The following UBR3 variants were observed in gnomAD, a reference collection of about 807,000 sequenced individuals.
UBR3 encodes the protein ubiquitin protein ligase E3 component n-recognin 3.
A neutral mutation model predicts 243.2 loss-of-function variants in UBR3; 85 were observed. The observed-to-expected ratio is 0.35, with a 90% CI of 0.29 to 0.42. The LOEUF (loss-of-function observed/expected upper bound fraction) is 0.42. Among genes scored for constraint, UBR3 ranks in the 10% least tolerant of loss-of-function variants. The probability of loss-of-function intolerance (pLI) is 1.00; values close to 1 mark genes in which losing one functional copy is unlikely to be tolerated. For synonymous variants in UBR3, 748 were observed against 799.8 expected (o/e 0.94, Z 1.09); for missense variants, 1,686 against 2,300.8 (o/e 0.73, Z 5.47).
intron 18 of UBR3, 91 bp from the exon 19 acceptor site, chr2:169,932,821 A>T: frequency 9.1e-7 from 1 of 1,095,272 alleles, no homozygotes; most frequent in Non-Finnish European, 1.3e-6. Context: ...CTGTGTTTTA[A>T]ATGTAAAATA....
chr2:170,024,341 G>A (rs1424549210), intron 30 of UBR3, among the ~76,000 whole-genome samples: 1 of 113,914 alleles, frequency 8.8e-6, no homozygotes, highest in African/African-American at 3.9e-5. Flanking sequence ...GCGACAGTGC[G>A]AGACTCCATC....
intron 1 of UBR3, among the ~76,000 whole-genome samples, chr2:169,840,177 A>T (rs1397867401): frequency 1.3e-5 from 2 of 152,156 alleles, no homozygotes; most frequent in Non-Finnish European, 2.9e-5. Context: ...GTGCTTATTA[A>T]GGCCCACTGT....
At chr2:169,913,388 C>A (rs1395962864) in intron 10 of UBR3, among the ~76,000 whole-genome samples, 3 of 146,212 alleles carry the variant, frequency 2.1e-5, no homozygotes, top group East Asian at 4.0e-4. Flanking sequence ...GGTAAGCAAG[C>A]CTATCATTAT....
At chr2:169,927,862 T>C (rs1472739438) in intron 17 of UBR3, among the ~76,000 whole-genome samples, 1 of 152,248 alleles carries the variant, frequency 6.6e-6, no homozygotes, top group Non-Finnish European at 1.5e-5. Flanking sequence ...TTTTTGAATT[T>C]ATAGATTTTT....
chr2:170,024,374 A>AAG (rs1553536702), intron 30 of UBR3, among the ~76,000 whole-genome samples: 2 of 147,518 alleles, frequency 1.4e-5, no homozygotes, highest in African/African-American at 2.5e-5. Flanking sequence ...AAAAAAAAAA[A>AAG]AGAGAAAAGA....
At chr2:169,933,272 G>T (rs1321166459) in intron 19 of UBR3, among the ~76,000 whole-genome samples, 1 of 152,144 alleles carries the variant, frequency 6.6e-6, no homozygotes, top group East Asian at 1.9e-4. Flanking sequence ...TCCATCAGTG[G>T]AATTAAAGGC....
rs1559237480 is a variant in UBR3, at chr2:170,073,419, G to T, written c.5020-9G>T. 1 of 1,613,180 alleles carries T rather than the reference G, an allele frequency of 6.2e-7. No individual in the cohort carries two copies. The highest frequency in any genetic ancestry group is 2.2e-5 in the East Asian group (1 of 44,832). On this transcript the variant is annotated splice_polypyrimidine_tract_variant and intron_variant, in intron 35 of 38. Transcript: ENST00000272793. ...ATATTTTCAGAATTTCCTATTTCATGTCTAAAAGGAAGAAGAAGAATTTTC... is the reference window on the plus strand; with the variant it reads ...ATATTTTCAGAATTTCCTATTTCATTTCTAAAAGGAAGAAGAAGAATTTTC...
chr2:170,032,611 T>C (rs997691825), intron 31 of UBR3, among the ~76,000 whole-genome samples: 2 of 97,594 alleles, frequency 2.0e-5, no homozygotes, highest in Admixed American at 1.1e-4. Flanking sequence ...TTTTTTTTTT[T>C]AGTTCAGGCC....
At chr2:170,009,668 A>G (rs889052229) in intron 29 of UBR3, among the ~76,000 whole-genome samples, 4 of 152,180 alleles carry the variant, frequency 2.6e-5, no homozygotes, top group African/African-American at 9.6e-5. Context: ...GACTCTGTAC[A>G]TCCTTGAATA....
intron 1 of UBR3, among the ~76,000 whole-genome samples, chr2:169,845,443 T>C (rs1306483883): frequency 6.9e-6 from 1 of 145,930 alleles, no homozygotes; most frequent in Admixed American, 7.0e-5. Context: ...AAAAGAAATT[T>C]TGAGTTTTTT....
intron 26 of UBR3, among the ~76,000 whole-genome samples, chr2:169,997,543 G>A (rs2089540590): frequency 6.6e-6 from 1 of 152,030 alleles, no homozygotes; most frequent in Admixed American, 6.5e-5. Flanking sequence ...ATGGAGGCAT[G>A]TCACAACTCT....
intron 35 of UBR3, among the ~76,000 whole-genome samples, chr2:170,070,488 A>G (rs2091674299): frequency 6.6e-6 from 1 of 152,138 alleles, no homozygotes; most frequent in South Asian, 2.1e-4. Context: ...CTAGCAAGGC[A>G]GGTAGGCAAG....
chr2:169,980,093 A>G (rs2088649142), intron 24 of UBR3, among the ~76,000 whole-genome samples: 1 of 152,222 alleles, frequency 6.6e-6, no homozygotes. Flanking sequence ...ACCAGTGAAT[A>G]AAAGTTTCCC....
Position 170,053,787 on chromosome 2 carries a change from C to T in UBR3, c.4661-1673C>T, listed in dbSNP as rs114214908. Reference sequence around the variant, plus strand: ...AATATCTGCAAGTTTTTGACTCCAGCAACTGATTAAATGGTAGTATCCATT... The same window carrying T: ...AATATCTGCAAGTTTTTGACTCCAGTAACTGATTAAATGGTAGTATCCATT... On this transcript the variant is annotated intron_variant, in intron 32 of 38. Transcript: ENST00000272793. 2.4e-3 allele frequency among the ~76,000 whole-genome samples: 362 copies of T among 152,262 alleles called. 2 individuals are homozygous for T. The highest frequency in any genetic ancestry group is 8.5e-3 in the African/African-American group (352 of 41,546).
At chr2:169,908,131 A>G (rs1052655673) in intron 10 of UBR3, among the ~76,000 whole-genome samples, 1 of 152,122 alleles carries the variant, frequency 6.6e-6, no homozygotes, top group Non-Finnish European at 1.5e-5. Flanking sequence ...CTTTTGTTCA[A>G]GCTGGTCTCT....
chr2:169,998,603 A>G (rs978277828), intron 26 of UBR3, among the ~76,000 whole-genome samples: 1 of 152,232 alleles, frequency 6.6e-6, no homozygotes, highest in Non-Finnish European at 1.5e-5. Flanking sequence ...TCTAAACATA[A>G]GAGTACCAGA....
chr2:169,833,939 C>A (rs2082012197), intron 1 of UBR3, among the ~76,000 whole-genome samples: 1 of 152,094 alleles, frequency 6.6e-6, no homozygotes, highest in South Asian at 2.1e-4. Flanking sequence ...CACACCACCA[C>A]ACACAGCTAA....
At chr2:169,902,271 C>T (rs1162869562) in intron 8 of UBR3, among the ~76,000 whole-genome samples, 1 of 152,200 alleles carries the variant, frequency 6.6e-6, no homozygotes, top group African/African-American at 2.4e-5. Context: ...TAGTTCAAAC[C>T]ATGGCCATCT....
At chr2:170,004,995 G>A (rs1053836517) in intron 27 of UBR3, among the ~76,000 whole-genome samples, 3 of 152,110 alleles carry the variant, frequency 2.0e-5, no homozygotes, top group South Asian at 2.1e-4. Context: ...AGGCCGAGGC[G>A]GATGGATCAC....
Sources: allele counts gnomAD v4.1 joint callset (sites outside exome capture counted in the v4.1 genomes callset), GRCh38; gene constraint gnomAD v4.1.1; transcripts MANE v1.5; gene names NCBI Gene and HGNC (gene_info 2026-07-23, HGNC 2026-07-21).